The following UBQLN4 variants were observed in gnomAD, a reference collection of about 807,000 sequenced individuals.
The protein encoded by UBQLN4 is ubiquilin-4.
UBQLN4 carries 11 observed loss-of-function variants against 60.4 expected under a neutral mutation model. That is an observed-to-expected ratio of 0.18 (90% CI 0.11 to 0.30). UBQLN4 has a LOEUF of 0.30. Ranked by LOEUF, UBQLN4 falls within the 10% of genes least tolerant of loss-of-function variation. The pLI is 1.00. For missense variants in UBQLN4, 417 were observed against 795.5 expected (o/e 0.52, Z 5.72); for synonymous variants, 258 against 313.1 (o/e 0.82, Z 1.86).
At chr1:156,031,872 C>A (rs150850864), downstream of UBQLN4, among the ~76,000 whole-genome samples, 1 of 151,894 alleles carries the variant, frequency 6.6e-6, no homozygotes, top group African/African-American at 2.4e-5. Context: ...AGCTCTGACA[C>A]ACAATAAACT....
In UBQLN4 at chr1:156,042,902, T is replaced by C; in HGVS notation, c.1138A>G (p.Ser380Gly). Residue 380 changes from serine to glycine, a missense_variant, in exon 7 of 11, where the codon AGC becomes GGC. Ser to Gly is a moderately conservative substitution (Grantham distance 56). Transcript: ENST00000368309. The part of the protein sequence containing the change: ...AASLGSGMFN[S>G]PEMQALLQQI... ...TGGAGGAGGGCTTGCATTTCTGGGC[T>C]ATTGAACATCCCTAGGACAAGGCGG... The C allele has an allele frequency of 6.2e-7, 1 of 1,614,072 alleles. No homozygotes were observed. Among genetic ancestry groups the C allele is most frequent in the Non-Finnish European group, 8.5e-7 (1 of 1,179,974 alleles).
Position 156,036,698 on chromosome 1 carries a change from G to C in UBQLN4, c.*280C>G, listed in dbSNP as rs1336660205. The C allele has an allele frequency of 1.1e-5, 13 of 1,162,652 alleles. No homozygotes were observed. Among genetic ancestry groups the C allele is most frequent in the Non-Finnish European group, 1.1e-5 (10 of 941,026 alleles). The allele number at this position is 1,162,652 out of a possible 1,614,324, so 72.0% of individuals were successfully genotyped here. A position where few individuals can be genotyped will look rare whatever the true frequency, so the allele number is the denominator to read the frequency against. ...GTTTAAAGATTGCAAAAGTGGTGTG[G>C]GGCAAGGAGGTAGAGTCAATCAATG... On this transcript the variant is annotated 3_prime_UTR_variant, in exon 11 of 11. Coordinates refer to ENST00000368309, the MANE Select transcript of UBQLN4 (RefSeq NM_020131.5).
intron 10 of UBQLN4, among the ~76,000 whole-genome samples, chr1:156,039,511 A>G (rs1683491544): frequency 1.3e-5 from 2 of 151,908 alleles, no homozygotes; most frequent in East Asian, 1.9e-4. Flanking sequence ...CGGCCTCCCA[A>G]ATTGCTGGGA....
intron 4 of UBQLN4, among the ~76,000 whole-genome samples, chr1:156,049,290 C>T (rs568248701): frequency 1.1e-3 from 164 of 152,258 alleles, no homozygotes; most frequent in Admixed American, 2.9e-3. Flanking sequence ...GGAAGGAAAG[C>T]GTTCAAGCTG....
intron 1 of UBQLN4, among the ~76,000 whole-genome samples, chr1:156,052,943 C>G (rs1478939938): frequency 6.6e-6 from 1 of 152,154 alleles, no homozygotes; most frequent in Non-Finnish European, 1.5e-5. Flanking sequence ...TAAGCAGAGG[C>G]TGCTTCCAGA....
chr1:156,051,297 A>T lies in UBQLN4; in HGVS notation c.291T>A (p.Ser97=). 6.4e-7 allele frequency: 1 copy of T among 1,559,622 alleles called. No homozygotes were observed. The highest frequency in any genetic ancestry group is 1.2e-5 in the South Asian group (1 of 85,136). Residue 97 remains serine (S), a synonymous_variant, in exon 3 of 11, where the codon TCT becomes TCA. Coordinates refer to ENST00000368309, the MANE Select transcript of UBQLN4 (RefSeq NM_020131.5). ...AGGCAGGGTCAGGTGTGGAGGGGGA[A>T]GAAGCAGTGGCAGCAGCTGGATCTT... is the stretch of plus-strand genomic sequence containing the variant. The part of the protein sequence containing the change: ...KAQDPAAATA[S]SPSTPDPASA...
rs73004941 is a variant in UBQLN4, at chr1:156,043,580, C to T, written c.1126+418G>A. 2.5e-3 allele frequency among the ~76,000 whole-genome samples: 377 copies of T among 152,270 alleles called. 1 individual carries two copies. Among genetic ancestry groups the T allele is most frequent in the African/African-American group, 8.3e-3 (343 of 41,542 alleles). Reference sequence around the variant, plus strand: ...ACAGTCATAGTCCAGATAAATGGAGCATCCTCTAGGGTTGTGCAGTGCATA... The same window carrying T: ...ACAGTCATAGTCCAGATAAATGGAGTATCCTCTAGGGTTGTGCAGTGCATA... On this transcript the variant is annotated intron_variant, in intron 6 of 10. Coordinates refer to ENST00000368309, the MANE Select transcript of UBQLN4 (RefSeq NM_020131.5).
downstream of UBQLN4, among the ~76,000 whole-genome samples, chr1:156,034,853 AT>A (rs1683359966): frequency 1.8e-5 from 2 of 113,374 alleles, no homozygotes; most frequent in Non-Finnish European, 3.8e-5. Flanking sequence ...ATATATATAT[AT>A]ATATATATAT....
chr1:156,032,227 C>T (rs185453194), downstream of UBQLN4, among the ~76,000 whole-genome samples: 322 of 152,076 alleles, frequency 2.1e-3, 1 homozygote, highest in African/African-American at 7.3e-3. Context: ...TGGTCTTGAA[C>T]TCCTGACCTC....
intron 5 of UBQLN4, among the ~76,000 whole-genome samples, chr1:156,047,615 G>A (rs1449072860): frequency 1.3e-5 from 2 of 151,120 alleles, no homozygotes; most frequent in African/African-American, 2.4e-5. Context: ...AAGAACCATG[G>A]CCAGGCGCGG....
At chr1:156,041,823 G>C in intron 9 of UBQLN4, 49 bp downstream of exon 9, 1 of 1,548,634 alleles carries the variant, frequency 6.5e-7, no homozygotes, top group Admixed American at 2.1e-5. Context: ...AAGAGTTGAA[G>C]GGGAGAAGTT....
chr1:156,048,713 A>AGGAAAAG lies in UBQLN4; in HGVS notation c.742-61_742-55dup. ...CCCGGAACCAGGGGAGCACCAACCT[A>AGGAAAAG]GGAAAAGGGTGGGCCTTGAGGAAGG... On this transcript the variant is annotated intron_variant, in intron 4 of 10. Coordinates refer to ENST00000368309, the MANE Select transcript of UBQLN4 (RefSeq NM_020131.5). The surrounding 1 kb of genome is among the most constrained non-coding windows in gnomAD (Gnocchi z 4.9). The AGGAAAAG allele has an allele frequency of 6.3e-7, 1 of 1,584,882 alleles. No individual in the cohort carries two copies. The highest frequency in any genetic ancestry group is 8.6e-7 in the Non-Finnish European group (1 of 1,158,602).
At position 156,048,678 on chromosome 1, in the gene UBQLN4, C is replaced by G. The variant is rs377421089; in HGVS notation, c.742-19G>C. 2 of 1,605,296 alleles carry G rather than the reference C, an allele frequency of 1.2e-6. No homozygotes were observed. Among genetic ancestry groups the G allele is most frequent in the Admixed American group, 1.7e-5 (1 of 59,790 alleles). ...CCATTGTCTGATCAAGGGAGAGAGA[C>G]AAAATGGGCCCCGGAACCAGGGGAG... On this transcript the variant is annotated intron_variant, in intron 4 of 10. Coordinates refer to ENST00000368309, the MANE Select transcript of UBQLN4 (RefSeq NM_020131.5). The surrounding 1 kb of genome is among the most constrained non-coding windows in gnomAD (Gnocchi z 4.9).
At chr1:156,047,723 A>G (rs183173107) in intron 5 of UBQLN4, among the ~76,000 whole-genome samples, 3,333 of 150,882 alleles carry the variant, frequency 0.022, 79 homozygotes, top group Non-Finnish European at 0.033. Flanking sequence ...GTGAAACCCC[A>G]TCTCTACTAA....
chr1:156,035,645 G>C lies in UBQLN4; in HGVS notation c.*1333C>G. Reference sequence around the variant, plus strand: ...AAGAACTGAAAGGCCAGGGGCTCTGGAGGAAAAAAACCCTCTACTATTCCC... The same window carrying C: ...AAGAACTGAAAGGCCAGGGGCTCTGCAGGAAAAAAACCCTCTACTATTCCC... On this transcript the variant is annotated 3_prime_UTR_variant, in exon 11 of 11. Coordinates refer to ENST00000368309, the MANE Select transcript of UBQLN4 (RefSeq NM_020131.5). The C allele has an allele frequency of 1.0e-6, 1 of 983,136 alleles. No individual in the cohort carries two copies. Among genetic ancestry groups the C allele is most frequent in the Non-Finnish European group, 1.2e-6 (1 of 828,286 alleles). The allele number at this position is 983,136 out of a possible 1,614,324, so 60.9% of individuals were successfully genotyped here. A position where few individuals can be genotyped will look rare whatever the true frequency, so the allele number is the denominator to read the frequency against.
chr1:156,036,264 A>C lies in UBQLN4; in HGVS notation c.*714T>G. The stretch of plus-strand genomic sequence containing the variant: ...GCCTTTTACTCAGGCTGTCTCCCCC[A>C]TTCCCTTCCTCCGAATAATCTCATT... On this transcript the variant is annotated 3_prime_UTR_variant, in exon 11 of 11. Coordinates refer to ENST00000368309, the MANE Select transcript of UBQLN4 (RefSeq NM_020131.5). The C allele has an allele frequency of 1.0e-6, 1 of 985,504 alleles. No individual in the cohort carries two copies. Among genetic ancestry groups the C allele is most frequent in the Non-Finnish European group, 1.2e-6 (1 of 829,986 alleles). The allele number at this position is 985,504 out of a possible 1,614,324, so 61.0% of individuals were successfully genotyped here.
chr1:156,045,102 T>C (rs1683663945), intron 5 of UBQLN4, among the ~76,000 whole-genome samples: 1 of 152,166 alleles, frequency 6.6e-6, no homozygotes, highest in South Asian at 2.1e-4. Flanking sequence ...CTACTCAGCC[T>C]TTCTTGTGGT....
chr1:156,041,101 AT>A (rs1295949811), intron 10 of UBQLN4, among the ~76,000 whole-genome samples: 1 of 152,186 alleles, frequency 6.6e-6, no homozygotes, highest in African/African-American at 2.4e-5. Context: ...TCTTGGCTTC[AT>A]TATCTACTAG....
chr1:156,053,470 G>A (rs1459569690), intron 1 of UBQLN4, 124 bp downstream of exon 1: 2 of 690,008 alleles, frequency 2.9e-6, no homozygotes, highest in Non-Finnish European at 4.1e-6. Flanking sequence ...CAGCTCCTCG[G>A]AGTCCCAGCC....
Sources: gnomAD v4.1 joint callset for allele counts (sites outside exome capture counted in the v4.1 genomes callset) on GRCh38, gnomAD v4.1.1 for gene constraint, Gnocchi (gnomAD v3.1) non-coding constraint, MANE v1.5 for transcripts, NCBI Gene and HGNC (gene_info 2026-07-23, HGNC 2026-07-21) for gene names.